GALNT2: variants seen among roughly 807,000 people sequenced by gnomAD.
The protein encoded by GALNT2 is UDP-GalNAc:polypeptide N-acetylgalactosaminyltransferase 2.
In GALNT2, 31 loss-of-function variants were observed where a neutral mutation model predicts 81.4. That is an observed-to-expected ratio of 0.38 (90% CI 0.29 to 0.51). The LOEUF (loss-of-function observed/expected upper bound fraction) is 0.51. Ranked by LOEUF, GALNT2 falls within the 20% of genes least tolerant of loss-of-function variation. The pLI, the probability that GALNT2 is intolerant of heterozygous loss-of-function variation, is 0.87. For missense variants in GALNT2, 629 were observed against 765.7 expected, an observed-to-expected ratio of 0.82 and a Z score of 2.11; for synonymous variants, 303 against 287.4, an observed-to-expected ratio of 1.05 and a Z score of -0.55.
chr1:230,260,621 A>G (rs1665849883), intron 11 of GALNT2, among the ~76,000 whole-genome samples: 1 of 152,216 alleles, frequency 6.6e-6, no homozygotes, highest in South Asian at 2.1e-4. Flanking sequence ...TGTTACAAGT[A>G]TTTAAGTTAA....
chr1:230,274,345 C>G (rs1050763928), intron 14 of GALNT2, 100 bp from the exon 15 acceptor site: 2 of 1,483,466 alleles, frequency 1.3e-6, no homozygotes, highest in African/African-American at 2.8e-5. Context: ...CTAAGCTCCA[C>G]CCCGTGACCC....
chr1:230,208,042 T>C (rs903674018), intron 3 of GALNT2, among the ~76,000 whole-genome samples: 4 of 152,250 alleles, frequency 2.6e-5, no homozygotes, highest in African/African-American at 9.6e-5. Context: ...CTAACAGTGA[T>C]CTCTGCATGG....
In GALNT2 at chr1:230,245,534, C is replaced by T. The variant is rs575584086; in HGVS notation, c.730-529C>T. The stretch of plus-strand genomic sequence containing the variant: ...TGAGGCAAACGTAGAATCTGGAAAT[C>T]TCTGGTTGATTTGGTTAACCTTCTG... On this transcript the variant is annotated intron_variant, in intron 7 of 15. Transcript: ENST00000366672. Among the ~76,000 whole-genome samples the T allele has an allele frequency of 2.0e-5, 3 of 152,104 alleles. No individual in the cohort carries two copies. The East Asian group carries it at 5.8e-4, about 29-fold the overall frequency.
At chr1:230,263,362 G>A (rs762524748) in intron 13 of GALNT2, 4 of 239,834 alleles carry the variant, frequency 1.7e-5, no homozygotes, top group Non-Finnish European at 3.3e-5. Flanking sequence ...CCCAGCCTCC[G>A]CAAGCATGCA....
chr1:230,062,108 G>A (rs895202500), intron 1 of GALNT2, among the ~76,000 whole-genome samples: 4 of 152,070 alleles, frequency 2.6e-5, no homozygotes, highest in African/African-American at 9.7e-5. Flanking sequence ...CCGGTTTGAT[G>A]GGAGGATAAA....
chr1:230,216,658 C>T (rs751698280), intron 3 of GALNT2, among the ~76,000 whole-genome samples: 9 of 152,142 alleles, frequency 5.9e-5, no homozygotes, highest in Admixed American at 4.6e-4. Context: ...AAACCCCTGA[C>T]CTCAAGTGAT....
At chr1:230,177,181 T>C (rs1302326687) in intron 1 of GALNT2, among the ~76,000 whole-genome samples, 1 of 152,284 alleles carries the variant, frequency 6.6e-6, no homozygotes, top group Non-Finnish European at 1.5e-5. Flanking sequence ...TTTACCCTTC[T>C]GCAGATCTCA....
intron 15 of GALNT2, among the ~76,000 whole-genome samples, chr1:230,277,159 A>T (rs149707857): frequency 2.3e-3 from 348 of 152,324 alleles, no homozygotes; most frequent in Non-Finnish European, 3.9e-3. Flanking sequence ...GGCATGTATA[A>T]ATGGGGATCT....
At chr1:230,132,846 T>C (rs1661409964) in intron 1 of GALNT2, among the ~76,000 whole-genome samples, 1 of 152,238 alleles carries the variant, frequency 6.6e-6, no homozygotes, top group Non-Finnish European at 1.5e-5. Flanking sequence ...TTGTGTTTCT[T>C]GAGCGTGGGA....
intron 1 of GALNT2, among the ~76,000 whole-genome samples, chr1:230,175,606 C>CCTCCTT (rs1345661663): frequency 7.9e-6 from 1 of 127,278 alleles, no homozygotes; most frequent in Admixed American, 7.8e-5. Flanking sequence ...TCCTCGTCCT[C>CCTCCTT]CTCCTCCCCC....
intron 1 of GALNT2, among the ~76,000 whole-genome samples, chr1:230,163,644 G>A (rs980260996): frequency 6.6e-6 from 1 of 152,216 alleles, no homozygotes; most frequent in African/African-American, 2.4e-5. Context: ...TTCGAAGCCC[G>A]AGCTGCTCAC....
At position 230,265,492 on chromosome 1, in the gene GALNT2, C is replaced by G. The variant is rs1241011459; in HGVS notation, c.1440+125C>G. ...ATGGGTGATGTCTATGAGGAAGCAC[C>G]TGGCTCCTGCTGGCCACAGCCTCTT... On this transcript the variant is annotated intron_variant, in intron 14 of 15. Coordinates refer to ENST00000366672, the MANE Select transcript of GALNT2 (RefSeq NM_004481.5). 3.1e-6 allele frequency: 4 copies of G among 1,288,858 alleles called. No individual in the cohort carries two copies. The East Asian group carries it at 7.0e-5, about 22-fold the overall frequency. 79.8% of individuals were successfully genotyped at this position (1,288,858 alleles called of 1,614,324 possible). A position where few individuals can be genotyped will look rare whatever the true frequency, so the allele number is the denominator to read the frequency against.
intron 1 of GALNT2, among the ~76,000 whole-genome samples, chr1:230,060,900 G>GCT (rs1329205513): frequency 2.0e-5 from 3 of 152,036 alleles, no homozygotes; most frequent in African/African-American, 7.3e-5. Context: ...TTAACATTGT[G>GCT]CTCTCTCTCT....
At chr1:230,146,831 C>A (rs920457600) in intron 1 of GALNT2, among the ~76,000 whole-genome samples, 1 of 152,036 alleles carries the variant, frequency 6.6e-6, no homozygotes, top group Non-Finnish European at 1.5e-5. Context: ...GGCGGGGAGG[C>A]GTTATGCTGG....
At chr1:230,067,120 C>A (rs1659210611), upstream of GALNT2, 3 of 197,754 alleles carry the variant, frequency 1.5e-5, no homozygotes, top group Admixed American at 1.3e-4. Flanking sequence ...GCTCGGGCGC[C>A]GAGTGCGCGC....
At chr1:230,273,235 C>G (rs919870680) in intron 14 of GALNT2, among the ~76,000 whole-genome samples, 1 of 152,200 alleles carries the variant, frequency 6.6e-6, no homozygotes, top group Non-Finnish European at 1.5e-5. Flanking sequence ...ATAATAGTGC[C>G]TGAAGTTGCA....
upstream of GALNT2, among the ~76,000 whole-genome samples, chr1:230,066,979 T>TCCCGCGG (rs1419059470): frequency 6.7e-6 from 1 of 148,736 alleles, no homozygotes; most frequent in Admixed American, 6.7e-5. Context: ...GGCAGTCCCC[T>TCCCGCGG]CCCGCGGCCC....
In GALNT2 at chr1:230,132,213, G is replaced by A. The variant is rs559259197; in HGVS notation, c.127-46005G>A. Among the ~76,000 whole-genome samples the A allele has an allele frequency of 5.3e-5, 8 of 152,230 alleles. No homozygotes were observed. The South Asian group carries it at 1.5e-3, about 28-fold the overall frequency. On this transcript the variant is annotated intron_variant, in intron 1 of 15. Coordinates refer to ENST00000366672, the MANE Select transcript of GALNT2 (RefSeq NM_004481.5). ...TAGCAGTAACAGTAGTAACTGTGGC[G>A]GTCAGCAACAGGGTCCTGGGAGTAA...
At chr1:230,093,052 T>G (rs7536663) in intron 1 of GALNT2, among the ~76,000 whole-genome samples, 2 of 152,044 alleles carry the variant, frequency 1.3e-5, no homozygotes, top group African/African-American at 2.4e-5. Context: ...AAACCCAAAG[T>G]GCTGGCCGAT....
Sources: gnomAD v4.1 joint callset for allele counts (sites outside exome capture counted in the v4.1 genomes callset) on GRCh38, gnomAD v4.1.1 for gene constraint, MANE v1.5 for transcripts, NCBI Gene and HGNC (gene_info 2026-07-23, HGNC 2026-07-21) for gene names.